The following ARHGAP11A variants were observed in gnomAD, a reference collection of about 807,000 sequenced individuals.
ARHGAP11A encodes rho GTPase-activating protein 11A.
ARHGAP11A carries 36 observed loss-of-function variants against 60.5 expected under a neutral mutation model. That is an observed-to-expected ratio of 0.59 (90% CI 0.46 to 0.79). The LOEUF (loss-of-function observed/expected upper bound fraction) is 0.79. Ranked by LOEUF, ARHGAP11A falls within the 30% of genes least tolerant of loss-of-function variation. ARHGAP11A has a pLI of 0.00. For synonymous variants in ARHGAP11A, 362 were observed against 415.5 expected (o/e 0.87, Z 1.57); for missense variants, 1,071 against 1,199.2 (o/e 0.89, Z 1.58).
chr15:32,627,633 G>A (rs1357233468), intron 6 of ARHGAP11A, among the ~76,000 whole-genome samples: 1 of 152,032 alleles, frequency 6.6e-6, no homozygotes. Context: ...GGAGGCTGAG[G>A]CAGGAGAATG....
At position 32,635,821 on chromosome 15, in the gene ARHGAP11A, A is replaced by G. The variant is rs1303983358; in HGVS notation, c.1389A>G (p.Arg463=). 1 of 1,610,992 alleles carries G rather than the reference A, an allele frequency of 6.2e-7. No homozygotes were observed. Among genetic ancestry groups the G allele is most frequent in the Non-Finnish European group, 8.5e-7 (1 of 1,179,046 alleles). The change falls in exon 11 of 12, where the codon CGA becomes CGG. Residue 463 remains arginine (R), a synonymous_variant. Coordinates refer to ENST00000361627, the MANE Select transcript of ARHGAP11A (RefSeq NM_014783.6). ...GVNRYESVGW[R]LANQQSLKNR... is the part of the protein sequence containing the mutation. The stretch of plus-strand genomic sequence containing the variant: ...ATAGATATGAAAGTGTTGGTTGGCG[A>G]CTTGCAAATCAACAAAGTTTAAAAA...
At chr15:32,622,115 A>G (rs2053342303) in intron 2 of ARHGAP11A, among the ~76,000 whole-genome samples, 1 of 152,302 alleles carries the variant, frequency 6.6e-6, no homozygotes, top group Non-Finnish European at 1.5e-5. Context: ...CTTATAATGA[A>G]CACCTATAAT....
At position 32,639,306 on chromosome 15, in the gene ARHGAP11A, A is replaced by G. The variant is rs778502615; in HGVS notation, c.*1461A>G. The G allele has an allele frequency of 1.6e-4, 25 of 152,168 alleles. No homozygotes were observed. Among genetic ancestry groups the G allele is most frequent in the Admixed American group, 1.3e-4 (2 of 15,270 alleles). 9.4% of individuals were successfully genotyped at this position (152,168 alleles called of 1,614,324 possible). ...AGCAGATTAGAGCAGCATTCATGCC[A>G]CTCGGAGCAACCAGACTTACAGCAT... On this transcript the variant is annotated 3_prime_UTR_variant, in exon 12 of 12. Coordinates refer to ENST00000361627, the MANE Select transcript of ARHGAP11A (RefSeq NM_014783.6).
Position 32,637,063 on chromosome 15 carries a change from TCA to T in ARHGAP11A, c.2293_2294del (p.Gln765AlafsTer13). ...HSKDEARSSF[S>X]QQSTCVVTNL... is the part of the protein sequence containing the mutation. ...CAAGGACGAGGCTAGATCCTCTTTC[TCA>T]CAGCAGAGTACATGTGTTGTAACAA... On this transcript the variant is annotated frameshift_variant, in exon 12 of 12. Transcript: ENST00000361627. LOFTEE classifies it low-confidence loss of function (END_TRUNC). The T allele has an allele frequency of 6.2e-7, 1 of 1,613,994 alleles. No homozygotes were observed. The highest frequency in any genetic ancestry group is 8.5e-7 in the Non-Finnish European group (1 of 1,180,042).
In ARHGAP11A at chr15:32,633,152, G is replaced by C. The variant is rs375981142; in HGVS notation, c.1235+44G>C. The C allele has an allele frequency of 5.0e-6, 8 of 1,603,182 alleles. No homozygotes were observed. In the South Asian group the frequency reaches 8.9e-5, roughly 18 times the overall value. On this transcript the variant is annotated intron_variant, in intron 9 of 11. Coordinates refer to ENST00000361627, the MANE Select transcript of ARHGAP11A (RefSeq NM_014783.6). The stretch of plus-strand genomic sequence containing the variant: ...TTTGTTTTCATCGGATAAATATTTG[G>C]TGTACACATAATTAATAAAATGTTT...
At chr15:32,621,074 A>G (rs901313816) in intron 2 of ARHGAP11A, among the ~76,000 whole-genome samples, 2 of 148,996 alleles carry the variant, frequency 1.3e-5, no homozygotes, top group African/African-American at 5.0e-5. Flanking sequence ...ATGTCTCTTG[A>G]AAACAAATAT....
chr15:32,637,392 A>G lies in ARHGAP11A; in HGVS notation c.2619A>G (p.Ser873=), dbSNP rs2053745855. The change falls in exon 12 of 12, where the codon TCA becomes TCG. Residue 873 remains serine (S), a synonymous_variant. Coordinates refer to ENST00000361627, the MANE Select transcript of ARHGAP11A (RefSeq NM_014783.6). ...ATACAGCTTCTCCTTTGGTCAAATCAGTGAGCTGTGACGGTGCTCTTTCCT... is the reference window on the plus strand; with the variant it reads ...ATACAGCTTCTCCTTTGGTCAAATCGGTGAGCTGTGACGGTGCTCTTTCCT... ...LGDTASPLVK[S]VSCDGALSSC... The G allele has an allele frequency of 6.2e-7, 1 of 1,614,198 alleles. No homozygotes were observed. The highest frequency in any genetic ancestry group is 1.3e-5 in the African/African-American group (1 of 75,066).
In ARHGAP11A at chr15:32,638,405, T is replaced by C. The variant is rs960812876; in HGVS notation, c.*560T>C. On this transcript the variant is annotated 3_prime_UTR_variant, in exon 12 of 12. Coordinates refer to ENST00000361627, the MANE Select transcript of ARHGAP11A (RefSeq NM_014783.6). Reference sequence around the variant, plus strand: ...CTTTCTAAAGAAATTGTTTACTGGATTTATAAGAAGTTAATTTTTGAAAAT... The same window carrying C: ...CTTTCTAAAGAAATTGTTTACTGGACTTATAAGAAGTTAATTTTTGAAAAT... 6.6e-6 allele frequency: 1 copy of C among 152,258 alleles called. No individual in the cohort carries two copies. Among genetic ancestry groups the C allele is most frequent in the African/African-American group, 2.4e-5 (1 of 41,444 alleles). The allele number at this position is 152,258 out of a possible 1,614,324, so 9.4% of individuals were successfully genotyped here.
rs1321796259 is a variant in ARHGAP11A, at chr15:32,637,051, A to G, written c.2278A>G (p.Arg760Gly). The G allele has an allele frequency of 1.2e-6, 2 of 1,614,016 alleles. No homozygotes were observed. Among genetic ancestry groups the G allele is most frequent in the East Asian group, 2.2e-5 (1 of 44,890 alleles). The change falls in exon 12 of 12, where the codon AGA becomes GGA. Residue 760 changes from arginine to glycine, a missense_variant. Transcript: ENST00000361627. ...KCAAHSKDEA[R>G]SSFSQQSTCV... The stretch of plus-strand genomic sequence containing the variant: ...TGCAGCACATAGCAAGGACGAGGCT[A>G]GATCCTCTTTCTCACAGCAGAGTAC...
chr15:32,620,578 T>C (rs1266757399), intron 2 of ARHGAP11A, among the ~76,000 whole-genome samples: 2 of 151,824 alleles, frequency 1.3e-5, no homozygotes, highest in Non-Finnish European at 2.9e-5. Flanking sequence ...CTTTTACATA[T>C]TTTAAATTTA....
intron 4 of ARHGAP11A, among the ~76,000 whole-genome samples, 163 bp downstream of exon 4, chr15:32,624,589 A>G (rs1333327975): frequency 4.6e-5 from 7 of 152,250 alleles, no homozygotes; most frequent in Admixed American, 4.6e-4. Context: ...ACAGCATACC[A>G]AATGATTTAA....
chr15:32,637,174 A>G lies in ARHGAP11A; in HGVS notation c.2401A>G (p.Met801Val), dbSNP rs768284613. ...CEKTVSESSQ[M>V]TEHRKVSDHI... ...GAAAACAGTTTCTGAAAGTTCACAA[A>G]TGACAGAACATAGAAAGGTTTCTGA... Residue 801 changes from methionine to valine, a missense_variant, in exon 12 of 12, where the codon ATG (methionine) becomes GTG (valine). By Grantham distance (21) the Met-to-Val change is conservative. Coordinates refer to ENST00000361627, the MANE Select transcript of ARHGAP11A (RefSeq NM_014783.6). 6.2e-7 allele frequency: 1 copy of G among 1,614,182 alleles called. No homozygotes were observed. Among genetic ancestry groups the G allele is most frequent in the South Asian group, 1.1e-5 (1 of 91,072 alleles).
chr15:32,632,770 T>C, intron 8 of ARHGAP11A: 1 of 422,646 alleles, frequency 2.4e-6, no homozygotes, highest in Non-Finnish European at 4.2e-6. Flanking sequence ...AGCTGACCTT[T>C]AATTGGCAAG....
chr15:32,616,471 A>G lies in ARHGAP11A; in HGVS notation c.129+131A>G, dbSNP rs538589441. 5 of 1,376,078 alleles carry G rather than the reference A, an allele frequency of 3.6e-6. No individual in the cohort carries two copies. The Admixed American group carries it at 1.1e-4, about 31-fold the overall frequency. The allele number at this position is 1,376,078 out of a possible 1,614,324, so 85.2% of individuals were successfully genotyped here. On this transcript the variant is annotated intron_variant, in intron 1 of 11. Transcript: ENST00000361627. ...TGGTTAGGTGTGTAATTCAGTTCAG[A>G]TGGTCGATTGCTGATATTTAAAAAG...
At position 32,637,213 on chromosome 15, in the gene ARHGAP11A, T is replaced by C; in HGVS notation, c.2440T>C (p.Phe814Leu). ...HRKVSDHIQW[F>L]NKLSLNEPNR... ...AAAGGTTTCTGATCACATACAGTGG[T>C]TTAACAAGCTTTCTTTAAATGAACC... is the stretch of plus-strand genomic sequence containing the variant. The change falls in exon 12 of 12, where the codon TTT becomes CTT. Residue 814 changes from phenylalanine (F) to leucine (L), a missense_variant. Physicochemically the swap from Phe to Leu is conservative, Grantham distance 22 (BLOSUM62 0). Transcript: ENST00000361627. The C allele has an allele frequency of 6.2e-7, 1 of 1,614,228 alleles. No homozygotes were observed. Among genetic ancestry groups the C allele is most frequent in the Non-Finnish European group, 8.5e-7 (1 of 1,180,044 alleles).
Position 32,633,977 on chromosome 15 carries a change from A to G in ARHGAP11A, c.1280A>G (p.His427Arg), listed in dbSNP as rs766722750. The G allele has an allele frequency of 6.2e-6, 10 of 1,607,568 alleles. No individual in the cohort carries two copies. The Admixed American group carries it at 8.5e-5, about 14-fold the overall frequency. ...GGCTGCTTTTCTCCTAAAATCAGCCATAAAGAAAAGGTTCGAAGATCTCTG... is the reference window on the plus strand; with the variant it reads ...GGCTGCTTTTCTCCTAAAATCAGCCGTAAAGAAAAGGTTCGAAGATCTCTG... ...KAGCFSPKISHKEKVRRSLRL... is the reference protein window; with the variant it reads ...KAGCFSPKISRKEKVRRSLRL... Residue 427 changes from histidine (H) to arginine (R), a missense_variant, in exon 10 of 12, where the codon CAT (histidine) becomes CGT (arginine). Physicochemically the swap from His to Arg is conservative, Grantham distance 29 (BLOSUM62 0). This residue lies in a region of ARHGAP11A where 776 missense variants were observed against 760.2 expected (regional missense o/e 1.02). Coordinates refer to ENST00000361627, the MANE Select transcript of ARHGAP11A (RefSeq NM_014783.6).
At chr15:32,626,336 T>C (rs1240459362) in intron 6 of ARHGAP11A, among the ~76,000 whole-genome samples, 1 of 152,158 alleles carries the variant, frequency 6.6e-6, no homozygotes, top group Non-Finnish European at 1.5e-5. Context: ...AAGGAAATAT[T>C]ATCAAGGAAG....
chr15:32,639,801 T>A lies in ARHGAP11A; in HGVS notation c.*1956T>A, dbSNP rs1370095643. ...TTTTAAACTTGATTTAATGCGTTTT[T>A]ATTTTTTCTTATACAAAATAGAGAT... On this transcript the variant is annotated 3_prime_UTR_variant, in exon 12 of 12. Transcript: ENST00000361627. 1 of 152,220 alleles carries A rather than the reference T, an allele frequency of 6.6e-6. No individual in the cohort carries two copies. The highest frequency in any genetic ancestry group is 1.9e-4 in the East Asian group (1 of 5,200). 9.4% of individuals were successfully genotyped at this position (152,220 alleles called of 1,614,324 possible). A position where few individuals can be genotyped will look rare whatever the true frequency, so the allele number is the denominator to read the frequency against.
rs777617949 is a variant in ARHGAP11A at position 32,616,181 on chromosome 15, C to G, written c.-31C>G. On this transcript the variant is annotated 5_prime_UTR_variant, in exon 1 of 12. It adds an upstream start codon to the 5' untranslated region. Transcript: ENST00000361627. ...GGCGAACGAGGGTCAGGACCTGCAT[C>G]CTGCCTCAGAGAGTTATCGACGTAT... 6 of 1,610,938 alleles carry G rather than the reference C, an allele frequency of 3.7e-6. No homozygotes were observed. The Admixed American group carries it at 1.0e-4, about 27-fold the overall frequency.
Sources: allele counts gnomAD v4.1 joint callset (sites outside exome capture counted in the v4.1 genomes callset), GRCh38; gene constraint gnomAD v4.1.1; regional missense constraint gnomAD v4.1.1; transcripts MANE v1.5; gene names NCBI Gene and HGNC (gene_info 2026-07-23, HGNC 2026-07-21).